Variants in FGF13 observed in about 807,000 individuals in gnomAD.
FGF13 encodes the protein fibroblast growth factor homologous factor 2.
FGF13 carries 2 observed loss-of-function variants against 19.5 expected under a neutral mutation model. That is an observed-to-expected ratio of 0.10 (90% CI 0.04 to 0.32). The LOEUF (loss-of-function observed/expected upper bound fraction) is 0.32, where lower values mean the gene tolerates loss of function less well. Among genes scored for constraint, FGF13 ranks in the 10% least tolerant of loss-of-function variants. The pLI is 1.00. For synonymous variants in FGF13, 72 were observed against 76.9 expected, an observed-to-expected ratio of 0.94 and a Z score of 0.33; for missense variants, 113 against 192.7, an observed-to-expected ratio of 0.59 and a Z score of 2.45.
chrX:138,852,090 T>C (rs1394930610), intron 3 of FGF13, among the ~76,000 whole-genome samples: 1 of 112,023 alleles, frequency 8.9e-6, no homozygotes, highest in Non-Finnish European at 1.9e-5. Context: ...TGGAAAAACA[T>C]TCCATGCTCA....
At chrX:138,635,374 G>C (rs891703701) in intron 4 of FGF13, 83 bp downstream of exon 4, 5 of 1,013,845 alleles carry the variant, frequency 4.9e-6, no homozygotes, top group Non-Finnish European at 6.7e-6. Flanking sequence ...AAAACCACCT[G>C]TACCCCCAAA....
intron 1 of FGF13, among the ~76,000 whole-genome samples, chrX:139,042,605 T>C (rs766828356): frequency 6.6e-4 from 74 of 111,813 alleles, no homozygotes; most frequent in Non-Finnish European, 1.1e-3. Context: ...CAAGTTCAGC[T>C]AGTGATTAGT....
intron 3 of FGF13, among the ~76,000 whole-genome samples, chrX:138,763,445 C>T (rs954476252): frequency 3.6e-5 from 4 of 111,943 alleles, no homozygotes; most frequent in African/African-American, 1.3e-4. Context: ...ATTGTCACAT[C>T]CAACACATTT....
intron 3 of FGF13, among the ~76,000 whole-genome samples, chrX:138,764,799 G>A (rs188909946): frequency 8.9e-6 from 1 of 112,212 alleles, no homozygotes; most frequent in East Asian, 2.8e-4. Flanking sequence ...TTTATAAAAT[G>A]TGGTTAACTT....
intron 1 of FGF13, among the ~76,000 whole-genome samples, chrX:138,991,321 T>C (rs1466059728): frequency 8.9e-6 from 1 of 112,211 alleles, no homozygotes; most frequent in African/African-American, 3.2e-5. Flanking sequence ...TTGAAATAAA[T>C]GGTTGTTATT....
At chrX:138,835,709 A>G (rs749120124) in intron 3 of FGF13, among the ~76,000 whole-genome samples, 34 of 111,385 alleles carry the variant, frequency 3.1e-4, no homozygotes, top group Non-Finnish European at 6.0e-4. Flanking sequence ...ATGTTTGCAG[A>G]CTTGTTTATG....
Position 139,179,049 on chromosome X carries a change from T to C in FGF13, c.-113+24367A>G, listed in dbSNP as rs143963197. Among the ~76,000 whole-genome samples the C allele has an allele frequency of 8.1e-3, 914 of 112,413 alleles. 23 individuals are homozygous for C. Among genetic ancestry groups the C allele is most frequent in the Admixed American group, 0.06 (641 of 10,614 alleles). ...ATAAATTGCAAGCCGGCAAGATCAA[T>C]AACTAACACATGAAGGTGATTCCAT... On this transcript the variant is annotated intron_variant, in intron 1 of 2. Transcript: ENST00000421460.
At chrX:139,112,544 C>G (rs1410287985) in intron 1 of FGF13, among the ~76,000 whole-genome samples, 1 of 111,833 alleles carries the variant, frequency 8.9e-6, no homozygotes, top group African/African-American at 3.3e-5. Flanking sequence ...CATTAGCAGT[C>G]CTTTTTAATC....
At chrX:138,862,877 G>T (rs929569198) in intron 2 of FGF13, among the ~76,000 whole-genome samples, 5 of 111,527 alleles carry the variant, frequency 4.5e-5, no homozygotes, top group African/African-American at 6.5e-5. Context: ...GCATTACTAG[G>T]TCTTCATCCA....
At chrX:138,665,813 C>T (rs2089537325) in intron 3 of FGF13, among the ~76,000 whole-genome samples, 1 of 109,349 alleles carries the variant, frequency 9.1e-6, no homozygotes, top group Non-Finnish European at 1.9e-5. Context: ...TAAAAGAGCA[C>T]AAGGATAAGA....
intron 1 of FGF13, among the ~76,000 whole-genome samples, chrX:138,899,087 T>C (rs893085241): frequency 1.8e-5 from 2 of 112,092 alleles, no homozygotes; most frequent in African/African-American, 6.5e-5. Flanking sequence ...GTGTCTCTCA[T>C]GTTTTCTCAG....
At chrX:138,960,220 G>A (rs1202687152) in intron 1 of FGF13, among the ~76,000 whole-genome samples, 1 of 111,564 alleles carries the variant, frequency 9.0e-6, no homozygotes, top group African/African-American at 3.3e-5. Flanking sequence ...AGGCCTGGTG[G>A]TGACAAAATC....
At chrX:138,862,207 G>A (rs1002647365) in intron 2 of FGF13, among the ~76,000 whole-genome samples, 1 of 111,927 alleles carries the variant, frequency 8.9e-6, no homozygotes, top group Non-Finnish European at 1.9e-5. Flanking sequence ...TGCCCCCTCA[G>A]CAGGCCACTG....
chrX:138,954,302 CA>C (rs1432960173), intron 1 of FGF13, among the ~76,000 whole-genome samples: 1 of 111,481 alleles, frequency 9.0e-6, no homozygotes, highest in East Asian at 2.8e-4. Context: ...TATTACTGCC[CA>C]CACAAAGTTG....
chrX:139,106,032 T>C (rs1179074285), intron 1 of FGF13, among the ~76,000 whole-genome samples: 3 of 112,292 alleles, frequency 2.7e-5, no homozygotes, highest in Non-Finnish European at 5.6e-5. Flanking sequence ...CTGTTGGCAA[T>C]AGCAGCATTC....
At chrX:138,840,676 C>A (rs1229719701) in intron 3 of FGF13, among the ~76,000 whole-genome samples, 1 of 111,171 alleles carries the variant, frequency 9.0e-6, no homozygotes, top group African/African-American at 3.3e-5. Flanking sequence ...CAGGGAAGCC[C>A]CAAGACAGGG....
chrX:139,091,591 G>C (rs2083440444), intron 1 of FGF13, among the ~76,000 whole-genome samples: 1 of 111,659 alleles, frequency 9.0e-6, no homozygotes, highest in Non-Finnish European at 1.9e-5. Flanking sequence ...TTTAAGCCAG[G>C]AGAGAAGTTC....
At chrX:138,916,345 C>A (rs1212215401) in intron 1 of FGF13, among the ~76,000 whole-genome samples, 6 of 111,604 alleles carry the variant, frequency 5.4e-5, no homozygotes, top group African/African-American at 2.0e-4. Context: ...GAAATGAGCT[C>A]ATTTGCAATC....
intron 1 of FGF13, among the ~76,000 whole-genome samples, chrX:139,040,556 T>C (rs1569445683): frequency 9.0e-6 from 1 of 111,419 alleles, no homozygotes; most frequent in Admixed American, 9.5e-5. Flanking sequence ...AAACAACAGA[T>C]GCTGGCGAGA....
Sources: gnomAD v4.1 joint callset for allele counts (sites outside exome capture counted in the v4.1 genomes callset) on GRCh38, gnomAD v4.1.1 for gene constraint, MANE v1.5 for transcripts, NCBI Gene and HGNC (gene_info 2026-07-23, HGNC 2026-07-21) for gene names.